TMCC1: variants seen among roughly 807,000 people sequenced by gnomAD.
TMCC1 encodes transmembrane and coiled-coil domains protein 1.
A neutral mutation model predicts 52.4 loss-of-function variants in TMCC1; 15 were observed. That is an observed-to-expected ratio of 0.29 (90% CI 0.19 to 0.44). TMCC1 has a LOEUF of 0.44. TMCC1 is among the 20% of genes least tolerant of loss of function. The pLI is 1.00. For missense variants in TMCC1, 503 were observed against 806.0 expected, an observed-to-expected ratio of 0.62 and a Z score of 4.55; for synonymous variants, 279 against 301.9, an observed-to-expected ratio of 0.92 and a Z score of 0.79.
At chr3:129,866,105 C>T (rs951608389) in intron 2 of TMCC1, among the ~76,000 whole-genome samples, 1 of 151,520 alleles carries the variant, frequency 6.6e-6, no homozygotes. Flanking sequence ...TTCTGGATGC[C>T]CTGACACCCA....
intron 4 of TMCC1, among the ~76,000 whole-genome samples, chr3:129,769,776 A>C (rs2054405618): frequency 6.6e-6 from 1 of 152,148 alleles, no homozygotes; most frequent in African/African-American, 2.4e-5. Flanking sequence ...GCCTGGGGTA[A>C]AAATGAACCA....
chr3:129,890,442 C>G (rs1459234605), intron 1 of TMCC1, among the ~76,000 whole-genome samples: 4 of 152,244 alleles, frequency 2.6e-5, no homozygotes, highest in African/African-American at 7.2e-5. Flanking sequence ...GATTCTAATT[C>G]TGCAAATGTT....
At chr3:129,846,525 CTATT>C (rs771744544) in intron 2 of TMCC1, among the ~76,000 whole-genome samples, 20 of 152,064 alleles carry the variant, frequency 1.3e-4, no homozygotes, top group Non-Finnish European at 2.6e-4. Context: ...TCTTGTGCTT[CTATT>C]TTATAAGGAG....
chr3:129,756,918 A>G (rs2053067124), intron 4 of TMCC1, among the ~76,000 whole-genome samples: 1 of 152,170 alleles, frequency 6.6e-6, no homozygotes, highest in Non-Finnish European at 1.5e-5. Context: ...GTACTATAGG[A>G]TACATGTGTC....
Position 129,770,632 on chromosome 3 carries a change from GAAATA to G in TMCC1, c.576+57166_576+57170del, listed in dbSNP as rs564101821. On this transcript the variant is annotated intron_variant, in intron 4 of 6. Coordinates refer to ENST00000393238, the MANE Select transcript of TMCC1 (RefSeq NM_001017395.5). ...GAAATGAAATGAAATGAAATGAAATGAAATAAAATAAAATAAAATAAAATAGATAA... is the reference window on the plus strand; with the variant it reads ...GAAATGAAATGAAATGAAATGAAATGAAATAAAATAAAATAAAATAGATAA... 6.5e-3 allele frequency among the ~76,000 whole-genome samples: 910 copies of G among 140,802 alleles called. 21 individuals carry two copies. Among genetic ancestry groups the G allele is most frequent in the East Asian group, 0.037 (186 of 5,090 alleles). 92.4% of individuals were successfully genotyped at this position (140,802 alleles called of 152,430 possible). A position where few individuals can be genotyped will look rare whatever the true frequency, so the allele number is the denominator to read the frequency against.
chr3:129,734,904 ATT>A (rs139829106), intron 4 of TMCC1, among the ~76,000 whole-genome samples: 11 of 142,036 alleles, frequency 7.7e-5, no homozygotes, highest in Admixed American at 2.1e-4. Context: ...TCTGTTCGAA[ATT>A]TTTTTTTTTT....
intron 4 of TMCC1, among the ~76,000 whole-genome samples, chr3:129,728,801 AGTGTCACATAAACAGAAT>A (rs1409444137): frequency 6.6e-6 from 1 of 152,186 alleles, no homozygotes; most frequent in African/African-American, 2.4e-5. Flanking sequence ...TCTTTCTGAG[AGTGTCACATAAACAGAAT>A]CATACAGTAT....
At position 129,692,306 on chromosome 3, in the gene TMCC1, G is replaced by A. The variant is rs181042682; in HGVS notation, c.577-21042C>T. Among the ~76,000 whole-genome samples, 7 of 152,254 alleles carry A rather than the reference G, an allele frequency of 4.6e-5. No individual in the cohort carries two copies. In the East Asian group the frequency reaches 1.3e-3, roughly 29 times the overall value. On this transcript the variant is annotated intron_variant, in intron 4 of 6. Transcript: ENST00000393238. ...TGCTGACAAGCTTTTTATATCAATA[G>A]CAATTATGTGTCAGCTTAAATATCT...
At chr3:129,724,676 G>A (rs563594044) in intron 4 of TMCC1, among the ~76,000 whole-genome samples, 152 of 152,214 alleles carry the variant, frequency 1.0e-3, no homozygotes, top group African/African-American at 3.4e-3. Flanking sequence ...CAAAGAAGAG[G>A]GGCACTAAAA....
intron 4 of TMCC1, among the ~76,000 whole-genome samples, chr3:129,806,497 T>C (rs1000051139): frequency 6.6e-5 from 10 of 152,186 alleles, no homozygotes; most frequent in African/African-American, 2.2e-4. Context: ...AAAAGACCTA[T>C]AGATACTGAT....
Position 129,761,327 on chromosome 3 carries a change from C to CA in TMCC1, c.576+66475dup, listed in dbSNP as rs59160769. 2.7e-3 allele frequency among the ~76,000 whole-genome samples: 163 copies of CA among 61,222 alleles called. 1 individual carries two copies. The highest frequency in any genetic ancestry group is 8.5e-3 in the African/African-American group (141 of 16,658). 40.2% of individuals were successfully genotyped at this position (61,222 alleles called of 152,430 possible). A position where few individuals can be genotyped will look rare whatever the true frequency, so the allele number is the denominator to read the frequency against. On this transcript the variant is annotated intron_variant, in intron 4 of 6. Transcript: ENST00000393238. ...TGGGCGACAGAGCGAGACTCCGTCT[C>CA]AAAAAAAAAAAAAAAAAAAAAAAAT...
intron 4 of TMCC1, among the ~76,000 whole-genome samples, chr3:129,762,207 T>G (rs922845682): frequency 6.6e-6 from 1 of 151,890 alleles, no homozygotes; most frequent in Admixed American, 6.6e-5. Context: ...TCAGCTAGTT[T>G]GTTATAATTT....
In TMCC1 at chr3:129,828,303, T is replaced by C; in HGVS notation, c.76A>G (p.Lys26Glu). Reference sequence around the variant, plus strand: ...AATTTTTGTTCTGATTCTGTCTGCTTTCTGGCCTCTGCATCTTGGGATTTG... The same window carrying C: ...AATTTTTGTTCTGATTCTGTCTGCTCTCTGGCCTCTGCATCTTGGGATTTG... ...GGKSQDAEAR[K>E]QTESEQKLSK... Residue 26 changes from lysine (K) to glutamate (E), a missense_variant, in exon 4 of 7, where the codon AAG becomes GAG. Lys to Glu is a moderately conservative substitution (Grantham distance 56). Coordinates refer to ENST00000393238, the MANE Select transcript of TMCC1 (RefSeq NM_001017395.5). The surrounding 1 kb of genome is among the most constrained non-coding windows in gnomAD (Gnocchi z 4.1). 1 of 1,614,182 alleles carries C rather than the reference T, an allele frequency of 6.2e-7. No homozygotes were observed. The highest frequency in any genetic ancestry group is 8.5e-7 in the Non-Finnish European group (1 of 1,180,026).
chr3:129,875,263 T>A (rs563686378), intron 2 of TMCC1, among the ~76,000 whole-genome samples: 10 of 150,598 alleles, frequency 6.6e-5, no homozygotes, highest in African/African-American at 2.4e-4. Context: ...CTGAGGCAGG[T>A]GATCACCTAA....
At position 129,827,974 on chromosome 3, in the gene TMCC1, G is replaced by C. The variant is rs375615743; in HGVS notation, c.405C>G (p.Pro135=). 152 of 1,613,982 alleles carry C rather than the reference G, an allele frequency of 9.4e-5. No individual in the cohort carries two copies. The highest frequency in any genetic ancestry group is 6.7e-5 in the Admixed American group (4 of 59,986). ...RGKPEAPKGS[P]QINRKSGQEM... Reference sequence around the variant, plus strand: ...CCTGACCAGACTTCCTGTTGATTTGGGGACTTCCCTTTGGGGCCTCTGGCT... The same window carrying C: ...CCTGACCAGACTTCCTGTTGATTTGCGGACTTCCCTTTGGGGCCTCTGGCT... Residue 135 remains proline, a synonymous_variant, in exon 4 of 7, where the codon CCC becomes CCG. Coordinates refer to ENST00000393238, the MANE Select transcript of TMCC1 (RefSeq NM_001017395.5).
At position 129,648,724 on chromosome 3, in the gene TMCC1, C is replaced by T. The variant is rs1020586508; in HGVS notation, c.*2757G>A. The T allele has an allele frequency of 6.6e-6, 1 of 150,864 alleles. No homozygotes were observed. The highest frequency in any genetic ancestry group is 1.5e-5 in the Non-Finnish European group (1 of 67,800). 9.3% of individuals were successfully genotyped at this position (150,864 alleles called of 1,614,324 possible). On this transcript the variant is annotated 3_prime_UTR_variant, in exon 7 of 7. Coordinates refer to ENST00000393238, the MANE Select transcript of TMCC1 (RefSeq NM_001017395.5). ...TTAGAGGAGCATTCAAATGAGGGGA[C>T]GTTTCCACCCAGAACAACTGTTAAG...
intron 4 of TMCC1, among the ~76,000 whole-genome samples, chr3:129,768,721 T>C: frequency 6.6e-6 from 1 of 152,244 alleles, no homozygotes; most frequent in Non-Finnish European, 1.5e-5. Flanking sequence ...ATATGTATTC[T>C]TATATTTAGA....
At chr3:129,678,237 C>T (rs2088634919) in intron 4 of TMCC1, among the ~76,000 whole-genome samples, 1 of 151,070 alleles carries the variant, frequency 6.6e-6, no homozygotes, top group Admixed American at 6.6e-5. Flanking sequence ...TTTTTTTTCT[C>T]ATATACCTTA....
chr3:129,794,239 T>C (rs1280533283), intron 4 of TMCC1: 2 of 451,950 alleles, frequency 4.4e-6, no homozygotes, highest in Non-Finnish European at 8.9e-6. Flanking sequence ...ACGGCAGGCT[T>C]GACAGAACAG....
Sources: gnomAD v4.1 joint callset for allele counts (sites outside exome capture counted in the v4.1 genomes callset) on GRCh38, gnomAD v4.1.1 for gene constraint, Gnocchi (gnomAD v3.1) non-coding constraint, MANE v1.5 for transcripts, NCBI Gene and HGNC (gene_info 2026-07-23, HGNC 2026-07-21) for gene names.